The following CNTNAP5 variants were observed in gnomAD, a reference collection of about 807,000 sequenced individuals.
CNTNAP5 encodes the protein contactin associated protein family member 5, also known as contactin-associated protein-like 5.
CNTNAP5 carries 72 observed loss-of-function variants against 150.2 expected under a neutral mutation model. The observed-to-expected ratio is 0.48, with a 90% CI of 0.40 to 0.58. The LOEUF (loss-of-function observed/expected upper bound fraction) is 0.58, where lower values mean the gene tolerates loss of function less well. Ranked by LOEUF, CNTNAP5 falls within the 20% of genes least tolerant of loss-of-function variation. CNTNAP5 has a pLI of 0.00. For missense variants in CNTNAP5, 1,636 were observed against 1,626.2 expected, an observed-to-expected ratio of 1.01 and a Z score of -0.10; for synonymous variants, 672 against 619.8, an observed-to-expected ratio of 1.08 and a Z score of -1.25.
chr2:124,455,388 C>A (rs111458672), intron 6 of CNTNAP5, among the ~76,000 whole-genome samples: 1 of 151,892 alleles, frequency 6.6e-6, no homozygotes, highest in Non-Finnish European at 1.5e-5. Context: ...TAACAAGCAG[C>A]GATATTGAAA....
intron 1 of CNTNAP5, among the ~76,000 whole-genome samples, chr2:124,214,899 C>T (rs988041526): frequency 2.0e-5 from 3 of 152,262 alleles, no homozygotes; most frequent in South Asian, 4.1e-4. Context: ...AAGACTCGGC[C>T]TTCCTTTCAC....
intron 3 of CNTNAP5, among the ~76,000 whole-genome samples, chr2:124,412,200 C>T (rs1191073245): frequency 2.1e-5 from 3 of 140,254 alleles, no homozygotes; most frequent in Admixed American, 7.2e-5. Context: ...TCAAGGAGAA[C>T]TACAAACCAC....
chr2:124,794,147 T>TC lies in CNTNAP5; in HGVS notation c.2993-3949_2993-3948insC, dbSNP rs539647441. On this transcript the variant is annotated intron_variant, in intron 18 of 23. Transcript: ENST00000682447. ...AATGATTGCAATATGTTCCATCTGG[T>TC]GCTACTACCTTCTCTTGTTTAATCC... Among the ~76,000 whole-genome samples the TC allele has an allele frequency of 2.3e-3, 356 of 152,370 alleles. 5 individuals carry two copies. The highest frequency in any genetic ancestry group is 7.6e-3 in the African/African-American group (316 of 41,580).
At chr2:124,079,913 A>G (rs1430182651) in intron 1 of CNTNAP5, among the ~76,000 whole-genome samples, 8 of 152,210 alleles carry the variant, frequency 5.3e-5, no homozygotes, top group Non-Finnish European at 1.0e-4. Context: ...TATCCATAAA[A>G]CATGGCTAAC....
chr2:124,692,469 C>A (rs1056081649), intron 13 of CNTNAP5, among the ~76,000 whole-genome samples: 3 of 151,990 alleles, frequency 2.0e-5, no homozygotes, highest in African/African-American at 7.3e-5. Flanking sequence ...TTTTAAGGCA[C>A]TAAGTTTGAT....
chr2:124,061,905 C>T (rs1682019005), intron 1 of CNTNAP5, among the ~76,000 whole-genome samples: 2 of 152,144 alleles, frequency 1.3e-5, no homozygotes, highest in Non-Finnish European at 2.9e-5. Context: ...TGCCCTCCCT[C>T]TTCATGATCC....
intron 1 of CNTNAP5, among the ~76,000 whole-genome samples, chr2:124,145,724 G>A (rs1323237515): frequency 1.6e-5 from 2 of 124,196 alleles, no homozygotes; most frequent in Non-Finnish European, 3.3e-5. Flanking sequence ...CAGTGCACCA[G>A]CATGGCACAT....
chr2:124,599,896 G>A (rs1337632941), intron 11 of CNTNAP5, among the ~76,000 whole-genome samples: 2 of 151,982 alleles, frequency 1.3e-5, no homozygotes, highest in African/African-American at 4.8e-5. Flanking sequence ...TAAATTTTGT[G>A]TCAGATTGAG....
At chr2:124,536,664 C>A (rs1695238043) in intron 10 of CNTNAP5, among the ~76,000 whole-genome samples, 1 of 152,018 alleles carries the variant, frequency 6.6e-6, no homozygotes, top group East Asian at 1.9e-4. Context: ...TACCAAAAGG[C>A]CAGAGAAAGA....
chr2:124,187,377 C>G (rs1685359682), intron 1 of CNTNAP5, among the ~76,000 whole-genome samples: 1 of 152,118 alleles, frequency 6.6e-6, no homozygotes, highest in South Asian at 2.1e-4. Context: ...CTAAGATCTG[C>G]CTGATTTCAG....
Position 124,920,092 on chromosome 2 carries a change from C to T in CNTNAP5, c.*5804C>T, listed in dbSNP as rs188350234. On this transcript the variant is annotated 3_prime_UTR_variant, in exon 24 of 24. Coordinates refer to ENST00000682447, the MANE Select transcript of CNTNAP5 (RefSeq NM_001367498.1). ...GGAACACTATTTTTTCTCAGTCCTT[C>T]CAGTTGACACAAGGAAACCCTTTAT... 6.6e-6 allele frequency among the ~76,000 whole-genome samples: 1 copy of T among 152,194 alleles called. No individual in the cohort carries two copies. Among genetic ancestry groups the T allele is most frequent in the East Asian group, 1.9e-4 (1 of 5,152 alleles).
At chr2:124,746,802 G>T (rs1008173085) in intron 13 of CNTNAP5, among the ~76,000 whole-genome samples, 2 of 152,000 alleles carry the variant, frequency 1.3e-5, no homozygotes, top group African/African-American at 4.8e-5. Flanking sequence ...AAATATTTTG[G>T]TCTAAATTCT....
rs188688559 is a variant in CNTNAP5 at position 124,322,721 on chromosome 2, G to T, written c.381+80328G>T. Among the ~76,000 whole-genome samples the T allele has an allele frequency of 2.3e-3, 346 of 152,182 alleles. 4 individuals carry two copies. The highest frequency in any genetic ancestry group is 8.7e-4 in the Non-Finnish European group (59 of 68,008). ...TAGCTGCTTTGCAATGACTCCTTGGGCAGTTAGAGTTTTCTGAGGAATACT... is the reference window on the plus strand; with the variant it reads ...TAGCTGCTTTGCAATGACTCCTTGGTCAGTTAGAGTTTTCTGAGGAATACT... On this transcript the variant is annotated intron_variant, in intron 3 of 23. Coordinates refer to ENST00000682447, the MANE Select transcript of CNTNAP5 (RefSeq NM_001367498.1).
chr2:124,347,242 C>T (rs573568635), intron 3 of CNTNAP5, among the ~76,000 whole-genome samples: 1 of 152,194 alleles, frequency 6.6e-6, no homozygotes, highest in Non-Finnish European at 1.5e-5. Flanking sequence ...CCTGAGGCAG[C>T]CCCCTCTCAT....
intron 1 of CNTNAP5, among the ~76,000 whole-genome samples, chr2:124,126,475 G>C (rs1014571301): frequency 6.6e-6 from 1 of 152,108 alleles, no homozygotes; most frequent in African/African-American, 2.4e-5. Context: ...AATTCTACCA[G>C]AGGTACAAAG....
chr2:124,036,429 C>T (rs1681221335), intron 1 of CNTNAP5, among the ~76,000 whole-genome samples: 2 of 152,038 alleles, frequency 1.3e-5, no homozygotes, highest in South Asian at 2.1e-4. Context: ...GCCCCTGTTA[C>T]GGTCACCTGG....
At chr2:124,882,826 A>AAGG (rs1677994215) in intron 21 of CNTNAP5, among the ~76,000 whole-genome samples, 1 of 152,136 alleles carries the variant, frequency 6.6e-6, no homozygotes, top group South Asian at 2.1e-4. Flanking sequence ...GCAGAAGGTG[A>AAGG]AGGAGGAGCA....
At chr2:124,890,292 T>A (rs1489742727) in intron 21 of CNTNAP5, among the ~76,000 whole-genome samples, 1 of 152,074 alleles carries the variant, frequency 6.6e-6, no homozygotes, top group Non-Finnish European at 1.5e-5. Flanking sequence ...AGTGCCCAGG[T>A]TTTGCTTCCT....
intron 6 of CNTNAP5, among the ~76,000 whole-genome samples, chr2:124,460,245 G>A (rs1302077365): frequency 6.6e-6 from 1 of 152,166 alleles, no homozygotes; most frequent in African/African-American, 2.4e-5. Flanking sequence ...GAATCTCAGA[G>A]AGTAGGACAA....
Sources: allele counts gnomAD v4.1 joint callset (sites outside exome capture counted in the v4.1 genomes callset), GRCh38; gene constraint gnomAD v4.1.1; transcripts MANE v1.5; gene names NCBI Gene and HGNC (gene_info 2026-07-23, HGNC 2026-07-21).